The following SYNPR variants were observed in gnomAD, a reference collection of about 807,000 sequenced individuals.
SYNPR encodes the protein synaptoporin.
In SYNPR, 23 loss-of-function variants were observed where a neutral mutation model predicts 32.9. That is an observed-to-expected ratio of 0.70 (90% CI 0.50 to 0.99). The LOEUF (loss-of-function observed/expected upper bound fraction) is 0.99, where lower values mean the gene tolerates loss of function less well. SYNPR is among the 50% of genes least tolerant of loss of function. The pLI is 0.00. For missense variants in SYNPR, 318 were observed against 349.3 expected, an observed-to-expected ratio of 0.91 and a Z score of 0.71; for synonymous variants, 146 against 135.9, an observed-to-expected ratio of 1.07 and a Z score of -0.52.
chr3:63,547,077 G>C (rs1017188434), intron 3 of SYNPR, among the ~76,000 whole-genome samples: 1 of 152,070 alleles, frequency 6.6e-6, no homozygotes, highest in African/African-American at 2.4e-5. Flanking sequence ...AGCATCACTG[G>C]AATCCCTGAG....
chr3:63,238,002 G>C (rs954914708), intron 1 of SYNPR, among the ~76,000 whole-genome samples: 2 of 152,060 alleles, frequency 1.3e-5, no homozygotes, highest in East Asian at 3.9e-4. Flanking sequence ...TGATGTTGTT[G>C]GTGGGACTCC....
chr3:63,601,273 CAA>C (rs11463845), intron 4 of SYNPR, among the ~76,000 whole-genome samples: 5 of 138,146 alleles, frequency 3.6e-5, no homozygotes, highest in Admixed American at 1.4e-4. Flanking sequence ...AACGCCATCT[CAA>C]AAAAAAAAAA....
chr3:63,323,046 C>T (rs1397912283), intron 2 of SYNPR, among the ~76,000 whole-genome samples: 1 of 152,032 alleles, frequency 6.6e-6, no homozygotes, highest in Non-Finnish European at 1.5e-5. Context: ...TCCCAAGAGG[C>T]CTCTTTTTCA....
At chr3:63,472,868 A>G (rs756500095) in intron 2 of SYNPR, among the ~76,000 whole-genome samples, 2 of 152,120 alleles carry the variant, frequency 1.3e-5, no homozygotes, top group Non-Finnish European at 2.9e-5. Flanking sequence ...GATAGTAAAT[A>G]TGTTTGGCTT....
intron 2 of SYNPR, among the ~76,000 whole-genome samples, chr3:63,325,102 C>T (rs1310534218): frequency 1.3e-5 from 2 of 151,908 alleles, no homozygotes; most frequent in African/African-American, 2.4e-5. Flanking sequence ...CCTCTTCTCC[C>T]AACAGGTTAG....
intron 4 of SYNPR, among the ~76,000 whole-genome samples, chr3:63,597,966 G>A (rs938660134): frequency 2.0e-5 from 3 of 152,140 alleles, no homozygotes; most frequent in African/African-American, 7.2e-5. Flanking sequence ...CTGATCCATA[G>A]TGTCATTCTA....
At chr3:63,221,559 G>A in the SYNPR span, among the ~76,000 whole-genome samples, 1 of 152,222 alleles carries the variant, frequency 6.6e-6, no homozygotes, top group Non-Finnish European at 1.5e-5. Context: ...TTTGGCCCAG[G>A]TGTCTCCTAT....
chr3:63,248,691 T>C (rs991144023), intron 1 of SYNPR, among the ~76,000 whole-genome samples: 10 of 152,164 alleles, frequency 6.6e-5, no homozygotes, highest in African/African-American at 1.9e-4. Flanking sequence ...CAACATAAGA[T>C]ATGTGAAATA....
chr3:63,481,547 C>A (rs189913284), intron 3 of SYNPR, among the ~76,000 whole-genome samples: 3 of 151,682 alleles, frequency 2.0e-5, no homozygotes, highest in Non-Finnish European at 2.9e-5. Flanking sequence ...ATCATAGAGA[C>A]GTAGCATTGA....
intron 2 of SYNPR, among the ~76,000 whole-genome samples, chr3:63,371,173 G>A (rs1404211494): frequency 1.3e-5 from 2 of 152,016 alleles, no homozygotes; most frequent in African/African-American, 2.4e-5. Context: ...ACAGTCCCCA[G>A]GAACCCACAC....
chr3:63,426,865 T>C (rs1447323802), intron 2 of SYNPR: 2 of 152,182 alleles, frequency 1.3e-5, no homozygotes, highest in Non-Finnish European at 2.9e-5. Flanking sequence ...GGTGACAGAA[T>C]TTCTTTTTTT....
intron 1 of SYNPR, among the ~76,000 whole-genome samples, chr3:63,239,766 T>A (rs1302849690): frequency 6.6e-6 from 1 of 151,566 alleles, no homozygotes; most frequent in Non-Finnish European, 1.5e-5. Context: ...CATACCCTCA[T>A]CCTACCATTG....
intron 2 of SYNPR, among the ~76,000 whole-genome samples, chr3:63,349,173 G>T (rs1409918883): frequency 3.3e-5 from 5 of 151,954 alleles, no homozygotes; most frequent in African/African-American, 1.2e-4. Flanking sequence ...CAAGATCTTG[G>T]CTCACTGCAA....
At chr3:63,238,939 C>T (rs2086217938) in intron 1 of SYNPR, among the ~76,000 whole-genome samples, 1 of 151,968 alleles carries the variant, frequency 6.6e-6, no homozygotes, top group African/African-American at 2.4e-5. Context: ...CACTTTAAGT[C>T]ATAATATTGT....
intron 3 of SYNPR, among the ~76,000 whole-genome samples, chr3:63,501,782 T>C (rs2106737618): frequency 6.6e-6 from 1 of 152,244 alleles, no homozygotes; most frequent in African/African-American, 2.4e-5. Context: ...ACTCTAAGAA[T>C]TTAACACAAT....
chr3:63,289,595 C>T (rs2367783), intron 2 of SYNPR: 70,424 of 151,786 alleles, frequency 0.46, 16,524 homozygotes, highest in Middle Eastern at 0.52. Context: ...AGGGAGGGCA[C>T]TAATCTATTC....
intron 4 of SYNPR, among the ~76,000 whole-genome samples, chr3:63,569,712 A>G (rs1421868153): frequency 6.6e-6 from 1 of 152,252 alleles, no homozygotes; most frequent in East Asian, 1.9e-4. Flanking sequence ...CTTTGGCAGT[A>G]TCCTTTCTCA....
At chr3:63,360,444 A>G (rs1418268052) in intron 2 of SYNPR, among the ~76,000 whole-genome samples, 2 of 152,238 alleles carry the variant, frequency 1.3e-5, no homozygotes, top group African/African-American at 4.8e-5. Context: ...TGACAGCCAG[A>G]GGAATTATTT....
chr3:63,459,209 C>T (rs1700538566), intron 2 of SYNPR, among the ~76,000 whole-genome samples: 1 of 152,102 alleles, frequency 6.6e-6, no homozygotes, highest in African/African-American at 2.4e-5. Context: ...AGATTTACTC[C>T]CACTATTCAC....
Sources: allele counts gnomAD v4.1 joint callset (sites outside exome capture counted in the v4.1 genomes callset), GRCh38; gene constraint gnomAD v4.1.1; transcripts MANE v1.5; gene names NCBI Gene and HGNC (gene_info 2026-07-23, HGNC 2026-07-21).